STK16: variants seen among roughly 807,000 people sequenced by gnomAD.
STK16 encodes the protein serine/threonine kinase 16, also known as serine/threonine-protein kinase 16.
Under a neutral mutation model 37.8 loss-of-function variants are expected in STK16, and 28 were observed. The observed-to-expected ratio is 0.74, with a 90% confidence interval of 0.55 to 1.02. STK16 has a LOEUF of 1.02. Among genes scored for constraint, STK16 ranks in the 50% least tolerant of loss-of-function variants. The probability of loss-of-function intolerance (pLI) is 0.00; values close to 1 mark genes in which losing one functional copy is unlikely to be tolerated. For missense variants in STK16, 349 were observed against 390.6 expected (o/e 0.89, Z 0.90); for synonymous variants, 134 against 155.0 (o/e 0.86, Z 1.01).
rs765234397 is a variant in STK16, at chr2:219,246,375, C to A, written c.87-282C>A. 2 of 609,220 alleles carry A rather than the reference C, an allele frequency of 3.3e-6. No homozygotes were observed. The highest frequency in any genetic ancestry group is 6.0e-6 in the Non-Finnish European group (2 of 334,220). 37.7% of individuals were successfully genotyped at this position (609,220 alleles called of 1,614,324 possible). On this transcript the variant is annotated intron_variant, in intron 2 of 7. Coordinates refer to ENST00000396738, the MANE Select transcript of STK16 (RefSeq NM_001330213.2). The surrounding 1 kb of genome is among the most constrained non-coding windows in gnomAD (Gnocchi z 4.5). ...GAGATAATGTGTATAAAATGTCTCA[C>A]CCAATGCGGGGTTGACAAGTACTTG... is the stretch of plus-strand genomic sequence containing the variant.
At position 219,246,763 on chromosome 2, in the gene STK16, G is replaced by A. The variant is rs778342281; in HGVS notation, c.193G>A (p.Glu65Lys). 9.3e-6 allele frequency: 15 copies of A among 1,614,132 alleles called. No individual in the cohort carries two copies. Among genetic ancestry groups the A allele is most frequent in the Non-Finnish European group, 1.3e-5 (15 of 1,180,058 alleles). Residue 65 changes from glutamate (E) to lysine (K), a missense_variant, in exon 3 of 8, where the codon GAA becomes AAA. Transcript: ENST00000396738. The surrounding 1 kb of genome is among the most constrained non-coding windows in gnomAD (Gnocchi z 4.5). ...GCAGGACCGGGAGGAGGCCCAGCGA[G>A]AAGCCGACATGCATCGCCTCTTCAA... ...EQQDREEAQREADMHRLFNHP... is the reference protein window; with the variant it reads ...EQQDREEAQRKADMHRLFNHP...
chr2:219,247,080 A>G, intron 3 of STK16, 33 bp from the exon 4 acceptor site: 1 of 1,613,676 alleles, frequency 6.2e-7, no homozygotes, highest in African/African-American at 1.3e-5. Flanking sequence ...GGCTCCAAAA[A>G]CATCTCCAAC....
chr2:219,249,292 G>A lies in STK16; in HGVS notation c.*733G>A, dbSNP rs1951604219. 1 of 152,324 alleles carries A rather than the reference G, an allele frequency of 6.6e-6. No individual in the cohort carries two copies. The highest frequency in any genetic ancestry group is 1.9e-4 in the East Asian group (1 of 5,202). 9.4% of individuals were successfully genotyped at this position (152,324 alleles called of 1,614,324 possible). ...TTACAGGTCTCCCATCCTCAGCCTA[G>A]GGGCGAGGGGAGTGGAGGTGGCAGC... is the stretch of plus-strand genomic sequence containing the variant. On this transcript the variant is annotated 3_prime_UTR_variant, in exon 8 of 8. Transcript: ENST00000396738.
In STK16 at chr2:219,246,718, C is replaced by G. The variant is rs202239732; in HGVS notation, c.148C>G (p.Arg50Gly). The G allele has an allele frequency of 1.9e-6, 3 of 1,614,090 alleles. No individual in the cohort carries two copies. The East Asian group carries it at 6.7e-5, about 36-fold the overall frequency. ...TGATGGACACTTCTACGCCCTGAAG[C>G]GAATCCTGTGTCACGAGCAGCAGGA... is the stretch of plus-strand genomic sequence containing the variant. Reference protein sequence around the residue: ...LHDGHFYALKRILCHEQQDRE... With the variant: ...LHDGHFYALKGILCHEQQDRE... Residue 50 changes from arginine to glycine, a missense_variant, in exon 3 of 8, where the codon CGA becomes GGA. Coordinates refer to ENST00000396738, the MANE Select transcript of STK16 (RefSeq NM_001330213.2). The surrounding 1 kb of genome is among the most constrained non-coding windows in gnomAD (Gnocchi z 4.5).
Position 219,250,234 on chromosome 2 carries a change from T to C in STK16, c.*1675T>C, listed in dbSNP as rs900140612. On this transcript the variant is annotated 3_prime_UTR_variant, in exon 8 of 8. Coordinates refer to ENST00000396738, the MANE Select transcript of STK16 (RefSeq NM_001330213.2). This position sits in a 1 kb window ranked among gnomAD's most constrained non-coding sequence, Gnocchi z 8.4. Reference sequence around the variant, plus strand: ...AACAGCAAACAGAGCAGCAGCAGCATGAAGGGGAAGGCAGCAGAAGCTCAA... The same window carrying C: ...AACAGCAAACAGAGCAGCAGCAGCACGAAGGGGAAGGCAGCAGAAGCTCAA... The C allele has an allele frequency of 2.8e-6, 4 of 1,404,120 alleles. No individual in the cohort carries two copies. The highest frequency in any genetic ancestry group is 2.3e-5 in the East Asian group (1 of 43,600). The allele number at this position is 1,404,120 out of a possible 1,614,324, so 87.0% of individuals were successfully genotyped here. A position where few individuals can be genotyped will look rare whatever the true frequency, so the allele number is the denominator to read the frequency against.
intron 6 of STK16, 45 bp from the exon 7 acceptor site, chr2:219,248,148 C>G (rs1222946730): frequency 3.7e-6 from 6 of 1,610,094 alleles, no homozygotes; most frequent in Non-Finnish European, 5.1e-6. Context: ...GGAGAGATGT[C>G]ACCTCCACTG....
In STK16 at chr2:219,245,505, C is replaced by G. The variant is rs1302230206; in HGVS notation, c.-396C>G. 6.5e-6 allele frequency: 1 copy of G among 153,034 alleles called. No individual in the cohort carries two copies. Among genetic ancestry groups the G allele is most frequent in the Non-Finnish European group, 1.5e-5 (1 of 68,268 alleles). 9.5% of individuals were successfully genotyped at this position (153,034 alleles called of 1,614,324 possible). A position where few individuals can be genotyped will look rare whatever the true frequency, so the allele number is the denominator to read the frequency against. ...GCACTGCTTCCGGTCGGTGGCGCTTCTCTCTGGCCCGAGCCAGGTCAGTCC... is the reference window on the plus strand; with the variant it reads ...GCACTGCTTCCGGTCGGTGGCGCTTGTCTCTGGCCCGAGCCAGGTCAGTCC... On this transcript the variant is annotated 5_prime_UTR_variant, in exon 1 of 8. Coordinates refer to ENST00000396738, the MANE Select transcript of STK16 (RefSeq NM_001330213.2).
chr2:219,248,357 C>A (rs919729823), intron 7 of STK16, 43 bp downstream of exon 7: 1 of 1,613,496 alleles, frequency 6.2e-7, no homozygotes, highest in Non-Finnish European at 8.5e-7. Flanking sequence ...TCAGACTCCC[C>A]CCTGGTATTA....
In STK16 at chr2:219,247,383, G is replaced by A. The variant is rs551292882; in HGVS notation, c.441-32G>A. 5.0e-6 allele frequency: 8 copies of A among 1,613,412 alleles called. No individual in the cohort carries two copies. The South Asian group carries it at 7.7e-5, about 15-fold the overall frequency. On this transcript the variant is annotated intron_variant, in intron 4 of 7. Transcript: ENST00000396738. ...TGGGATTCCAGCCTTCCTGTCCAGA[G>A]ATGCTCATAGGTCACTTCTACTTCT...
rs1464410563 is a variant in STK16, at chr2:219,250,144, T to G, written c.*1585T>G. 1 of 746,142 alleles carries G rather than the reference T, an allele frequency of 1.3e-6. No individual in the cohort carries two copies. Among genetic ancestry groups the G allele is most frequent in the African/African-American group, 1.8e-5 (1 of 57,098 alleles). The allele number at this position is 746,142 out of a possible 1,614,324, so 46.2% of individuals were successfully genotyped here. A position where few individuals can be genotyped will look rare whatever the true frequency, so the allele number is the denominator to read the frequency against. On this transcript the variant is annotated 3_prime_UTR_variant, in exon 8 of 8. Transcript: ENST00000396738. This position sits in a 1 kb window ranked among gnomAD's most constrained non-coding sequence, Gnocchi z 8.4. ...AATTTAAAGTCCCTGGGGTTATGCT[T>G]CCTGGGCCTGGCAAGAACCCCTTTG...
Position 219,247,221 on chromosome 2 carries a change from A to G in STK16, c.415A>G (p.Ile139Val). ...GGGGATCTGCAGAGGCCTTGAGGCC[A>G]TTCATGCCAAGGGTTATGCCCACAG... ...LLGICRGLEA[I>V]HAKGYAHRDL... Residue 139 changes from isoleucine (I) to valine (V), a missense_variant, in exon 4 of 8, where the codon ATT (isoleucine) becomes GTT (valine). Transcript: ENST00000396738. 1 of 1,614,238 alleles carries G rather than the reference A, an allele frequency of 6.2e-7. No individual in the cohort carries two copies.
chr2:219,248,628 C>A lies in STK16; in HGVS notation c.*69C>A. On this transcript the variant is annotated 3_prime_UTR_variant, in exon 8 of 8. Transcript: ENST00000396738. ...AGGTTCCCATCCCTCATTGGAATCA[C>A]CACCCATTCCATCCAGGACTTCTCT... 3 of 1,535,166 alleles carry A rather than the reference C, an allele frequency of 2.0e-6. No homozygotes were observed. The Admixed American group carries it at 5.9e-5, about 30-fold the overall frequency.
rs966617527 is a variant in STK16 at position 219,247,233 on chromosome 2, G to T, written c.427G>T (p.Gly143Cys). ...AGGCCTTGAGGCCATTCATGCCAAG[G>T]GTTATGCCCACAGGTCAGTGGGAGG... ...CRGLEAIHAK[G>C]YAHRDLKPTN... is the part of the protein sequence containing the mutation. Residue 143 changes from glycine to cysteine, a missense_variant, in exon 4 of 8, where the codon GGT becomes TGT. Gly to Cys is a radical substitution (Grantham distance 159, BLOSUM62 -3). Coordinates refer to ENST00000396738, the MANE Select transcript of STK16 (RefSeq NM_001330213.2). 6.2e-7 allele frequency: 1 copy of T among 1,614,090 alleles called. No individual in the cohort carries two copies. Among genetic ancestry groups the T allele is most frequent in the African/African-American group, 1.3e-5 (1 of 74,930 alleles).
chr2:219,248,179 C>G lies in STK16; in HGVS notation c.658-14C>G, dbSNP rs201231685. Reference sequence around the variant, plus strand: ...CACTGGTCCCCTTCTAGGGACTAATCAAGTTATGCTCAGTCCCTAGGCTGC... The same window carrying G: ...CACTGGTCCCCTTCTAGGGACTAATGAAGTTATGCTCAGTCCCTAGGCTGC... On this transcript the variant is annotated splice_polypyrimidine_tract_variant and intron_variant, in intron 6 of 7. Coordinates refer to ENST00000396738, the MANE Select transcript of STK16 (RefSeq NM_001330213.2). 26 of 1,613,914 alleles carry G rather than the reference C, an allele frequency of 1.6e-5. No individual in the cohort carries two copies. The Admixed American group carries it at 2.2e-4, about 13-fold the overall frequency.
In STK16 at chr2:219,246,638, T is replaced by G. The variant is rs200267587; in HGVS notation, c.87-19T>G. 1.2e-6 allele frequency: 2 copies of G among 1,607,388 alleles called. No homozygotes were observed. Among genetic ancestry groups the G allele is most frequent in the African/African-American group, 2.7e-5 (2 of 74,926 alleles). ...GTGGGAGATGACCATGGCCCTTTAT[T>G]GACCCCTTTGGCCCACAGTGGGTTC... On this transcript the variant is annotated intron_variant, in intron 2 of 7. Transcript: ENST00000396738. This position sits in a 1 kb window ranked among gnomAD's most constrained non-coding sequence, Gnocchi z 4.5.
At position 219,250,168 on chromosome 2, in the gene STK16, T is replaced by C. The variant is rs1480666336; in HGVS notation, c.*1609T>C. 1 of 873,556 alleles carries C rather than the reference T, an allele frequency of 1.1e-6. No individual in the cohort carries two copies. Among genetic ancestry groups the C allele is most frequent in the East Asian group, 2.4e-5 (1 of 40,834 alleles). 54.1% of individuals were successfully genotyped at this position (873,556 alleles called of 1,614,324 possible). A position where few individuals can be genotyped will look rare whatever the true frequency, so the allele number is the denominator to read the frequency against. On this transcript the variant is annotated 3_prime_UTR_variant, in exon 8 of 8. Coordinates refer to ENST00000396738, the MANE Select transcript of STK16 (RefSeq NM_001330213.2). The surrounding 1 kb of genome is among the most constrained non-coding windows in gnomAD (Gnocchi z 8.4). The stretch of plus-strand genomic sequence containing the variant: ...TTCCTGGGCCTGGCAAGAACCCCTT[T>C]GCAGGTCTCACCTTCAGCGATGGAA...
chr2:219,246,810 C>A lies in STK16; in HGVS notation c.240C>A (p.Leu80=). 2 of 1,614,182 alleles carry A rather than the reference C, an allele frequency of 1.2e-6. No individual in the cohort carries two copies. Among genetic ancestry groups the A allele is most frequent in the Non-Finnish European group, 1.7e-6 (2 of 1,180,036 alleles). The change falls in exon 3 of 8, where the codon CTC becomes CTA. Residue 80 remains leucine, a synonymous_variant. Transcript: ENST00000396738. This position sits in a 1 kb window ranked among gnomAD's most constrained non-coding sequence, Gnocchi z 4.5. ...TCAATCACCCCAACATCCTTCGCCT[C>A]GTGGCTTACTGTCTGAGGGAACGGG... ...RLFNHPNILR[L]VAYCLRERGA... is the part of the protein sequence containing the mutation.
intron 7 of STK16, 39 bp downstream of exon 7, chr2:219,248,353 TC>T (rs1212400371): frequency 1.9e-6 from 3 of 1,613,174 alleles, no homozygotes; most frequent in Admixed American, 1.7e-5. Context: ...TGTTTCAGAC[TC>T]CCCCCTGGTA....
At position 219,246,702 on chromosome 2, in the gene STK16, C is replaced by A. The variant is rs780851050; in HGVS notation, c.132C>A (p.His44Gln). ...TAGTGGAAGGGTTACATGATGGACACTTCTACGCCCTGAAGCGAATCCTGT... is the reference window on the plus strand; with the variant it reads ...TAGTGGAAGGGTTACATGATGGACAATTCTACGCCCTGAAGCGAATCCTGT... ...VDLVEGLHDG[H>Q]FYALKRILCH... The change falls in exon 3 of 8, where the codon CAC becomes CAA. Residue 44 changes from histidine (H) to glutamine (Q), a missense_variant. By Grantham distance (24) the His-to-Gln change is conservative. Transcript: ENST00000396738. This position sits in a 1 kb window ranked among gnomAD's most constrained non-coding sequence, Gnocchi z 4.5. 4 of 1,614,254 alleles carry A rather than the reference C, an allele frequency of 2.5e-6. No homozygotes were observed. Among genetic ancestry groups the A allele is most frequent in the South Asian group, 1.1e-5 (1 of 91,086 alleles).
Sources: allele counts gnomAD v4.1 joint callset, GRCh38; gene constraint gnomAD v4.1.1; non-coding constraint Gnocchi (gnomAD v3.1); transcripts MANE v1.5; gene names NCBI Gene and HGNC (gene_info 2026-07-23, HGNC 2026-07-21).